Variants in SLCO1B3 observed in about 807,000 individuals in gnomAD.
The protein encoded by SLCO1B3 is solute carrier organic anion transporter family member 1B3.
Under a neutral mutation model 71.8 loss-of-function variants are expected in SLCO1B3, and 72 were observed. That is an observed-to-expected ratio of 1.00 (90% CI 0.83 to 1.22). The LOEUF (loss-of-function observed/expected upper bound fraction) is 1.22, where lower values mean the gene tolerates loss of function less well. Ranked by LOEUF, SLCO1B3 falls within the 50% of genes most tolerant of loss-of-function variation. The pLI is 0.00. For synonymous variants in SLCO1B3, 298 were observed against 278.4 expected, an observed-to-expected ratio of 1.07 and a Z score of -0.70; for missense variants, 911 against 819.7, an observed-to-expected ratio of 1.11 and a Z score of -1.36.
intron 15 of SLCO1B3, among the ~76,000 whole-genome samples, chr12:20,911,821 T>C (rs1393180279): frequency 6.6e-6 from 1 of 152,174 alleles, no homozygotes; most frequent in African/African-American, 2.4e-5. Flanking sequence ...CGTGTCCTCC[T>C]TTTTATCTAA....
intron 3 of SLCO1B3, among the ~76,000 whole-genome samples, chr12:20,846,657 G>A (rs1403277729): frequency 1.3e-5 from 2 of 152,122 alleles, no homozygotes; most frequent in East Asian, 3.8e-4. Flanking sequence ...TACTTGTGAG[G>A]AATGATGCAA....
chr12:20,868,374 G>A (rs1040388417), intron 8 of SLCO1B3, among the ~76,000 whole-genome samples: 1 of 152,114 alleles, frequency 6.6e-6, no homozygotes, highest in Non-Finnish European at 1.5e-5. Context: ...AAGGTCAACT[G>A]TACAATACAG....
At chr12:20,898,892 G>C (rs890548118) in intron 14 of SLCO1B3, among the ~76,000 whole-genome samples, 2 of 152,118 alleles carry the variant, frequency 1.3e-5, no homozygotes, top group Non-Finnish European at 2.9e-5. Context: ...AGTAGCTTGG[G>C]AACCCTGGGA....
chr12:20,864,214 T>C (rs910491456), intron 8 of SLCO1B3, among the ~76,000 whole-genome samples: 1 of 152,316 alleles, frequency 6.6e-6, no homozygotes, highest in South Asian at 2.1e-4. Context: ...ATCATTTCCA[T>C]TGGTCTCAAA....
At chr12:20,818,275 A>G (rs922107202) in intron 3 of SLCO1B3, among the ~76,000 whole-genome samples, 1 of 152,124 alleles carries the variant, frequency 6.6e-6, no homozygotes, top group African/African-American at 2.4e-5. Context: ...ATAGACTATT[A>G]GTTTGTCACT....
chr12:20,847,109 G>A lies in SLCO1B3; in HGVS notation c.85-7919G>A, dbSNP rs1053432102. On this transcript the variant is annotated intron_variant, in intron 3 of 15. Transcript: ENST00000381545. ...TTCCTGGAGGTATTTAGAAAGCCTCGCATATGCCCAGGGTAGTAGACTCAC... is the reference window on the plus strand; with the variant it reads ...TTCCTGGAGGTATTTAGAAAGCCTCACATATGCCCAGGGTAGTAGACTCAC... 4.6e-5 allele frequency among the ~76,000 whole-genome samples: 7 copies of A among 152,020 alleles called. No individual in the cohort carries two copies. The East Asian group carries it at 5.8e-4, about 13-fold the overall frequency.
At chr12:20,876,929 C>T (rs1014891041) in intron 9 of SLCO1B3, among the ~76,000 whole-genome samples, 2 of 152,194 alleles carry the variant, frequency 1.3e-5, no homozygotes, top group Admixed American at 6.5e-5. Context: ...CTCCCAGGTT[C>T]AAGCAATTCT....
chr12:20,897,315 A>G (rs560239323), intron 13 of SLCO1B3, among the ~76,000 whole-genome samples: 11 of 152,218 alleles, frequency 7.2e-5, no homozygotes, highest in Admixed American at 4.6e-4. Context: ...TATAAGCGCT[A>G]TTGAATTCTT....
At chr12:20,854,716 CCAT>C (rs546680468) in intron 3 of SLCO1B3, among the ~76,000 whole-genome samples, 1 of 152,148 alleles carries the variant, frequency 6.6e-6, no homozygotes, top group South Asian at 2.1e-4. Flanking sequence ...AAATAGCTCA[CCAT>C]CATGGCCATC....
chr12:20,901,435 G>A lies in SLCO1B3; in HGVS notation c.1833G>A (p.Gly611=), dbSNP rs3764006. ...CCACCAACAGCTGTGGAGCACAAGG[G>A]GCTTGTAGGATATATAATTCCGTAT... ...KWSTNSCGAQ[G]ACRIYNSVFF... Residue 611 remains glycine (G), a synonymous_variant, in exon 15 of 16, where the codon GGG becomes GGA. Coordinates refer to ENST00000381545, the MANE Select transcript of SLCO1B3 (RefSeq NM_019844.4). 1,334,320 of 1,561,636 alleles carry A rather than the reference G, an allele frequency of 0.85. 582,197 individuals are homozygous for A. Among genetic ancestry groups the A allele is most frequent in the South Asian group, 0.94 (75,317 of 80,480 alleles).
intron 3 of SLCO1B3, among the ~76,000 whole-genome samples, chr12:20,849,784 A>C (rs933148517): frequency 6.6e-6 from 1 of 151,888 alleles, no homozygotes; most frequent in Non-Finnish European, 1.5e-5. Context: ...TAAGCATTGA[A>C]AAATAATTAA....
chr12:20,819,707 C>T (rs541357555), intron 3 of SLCO1B3, among the ~76,000 whole-genome samples: 16 of 152,144 alleles, frequency 1.1e-4, no homozygotes, highest in East Asian at 7.7e-4. Flanking sequence ...CTGTAGCAGG[C>T]GAGTGATAAC....
At chr12:20,817,663 C>G (rs1317790167) in intron 3 of SLCO1B3, among the ~76,000 whole-genome samples, 2 of 152,138 alleles carry the variant, frequency 1.3e-5, no homozygotes, top group African/African-American at 4.8e-5. Flanking sequence ...TCTCGGCTCA[C>G]TGCAAGCTCC....
chr12:20,915,025 C>G (rs552786433), intron 15 of SLCO1B3, among the ~76,000 whole-genome samples: 1 of 151,912 alleles, frequency 6.6e-6, no homozygotes, highest in South Asian at 2.1e-4. Context: ...TTTTGAGCTT[C>G]CTGGATCTGT....
At position 20,898,509 on chromosome 12, in the gene SLCO1B3, A is replaced by G. The variant is rs75494780; in HGVS notation, c.1747+9A>G. The G allele has an allele frequency of 9.2e-6, 13 of 1,416,040 alleles. No individual in the cohort carries two copies. In the African/African-American group the frequency reaches 1.8e-4, roughly 20 times the overall value. 87.7% of individuals were successfully genotyped at this position (1,416,040 alleles called of 1,614,324 possible). ...GGTTATAAGAACACTAGGTATGACA[A>G]ATATATAGATTATACATTTTAACAT... On this transcript the variant is annotated intron_variant, in intron 14 of 15. Coordinates refer to ENST00000381545, the MANE Select transcript of SLCO1B3 (RefSeq NM_019844.4).
intron 8 of SLCO1B3, among the ~76,000 whole-genome samples, chr12:20,865,112 A>C (rs76880107): frequency 0.014 from 2,207 of 152,222 alleles, 51 homozygotes; most frequent in African/African-American, 0.051. Context: ...CTAGCAGGAC[A>C]TATCTAGCTT....
intron 5 of SLCO1B3, among the ~76,000 whole-genome samples, chr12:20,860,721 C>G (rs898729502): frequency 6.6e-6 from 1 of 151,312 alleles, no homozygotes; most frequent in African/African-American, 2.4e-5. Flanking sequence ...AAAAAAACAA[C>G]AGGTGAAACC....
At chr12:20,877,263 A>G (rs1227967022) in intron 9 of SLCO1B3, among the ~76,000 whole-genome samples, 4 of 152,102 alleles carry the variant, frequency 2.6e-5, no homozygotes, top group Admixed American at 6.6e-5. Context: ...TTTTAAGGGT[A>G]GTGATGTGAA....
At chr12:20,841,659 G>T (rs1864804951) in intron 3 of SLCO1B3, among the ~76,000 whole-genome samples, 1 of 152,110 alleles carries the variant, frequency 6.6e-6, no homozygotes, top group South Asian at 2.1e-4. Flanking sequence ...TTGGTGTACA[G>T]ATTATTTCAG....
Sources: gnomAD v4.1 joint callset for allele counts (sites outside exome capture counted in the v4.1 genomes callset) on GRCh38, gnomAD v4.1.1 for gene constraint, MANE v1.5 for transcripts, NCBI Gene and HGNC (gene_info 2026-07-23, HGNC 2026-07-21) for gene names.